ERBB4: variants seen among roughly 807,000 people sequenced by gnomAD.
ERBB4 encodes the protein receptor tyrosine-protein kinase erbB-4.
ERBB4 carries 42 observed loss-of-function variants against 158.0 expected under a neutral mutation model. That is an observed-to-expected ratio of 0.27 (90% CI 0.21 to 0.34). ERBB4 has a LOEUF of 0.34. Among genes scored for constraint, ERBB4 ranks in the 10% least tolerant of loss-of-function variants. ERBB4 has a pLI of 1.00. For missense variants in ERBB4, 1,333 were observed against 1,624.1 expected (o/e 0.82, Z 3.08); for synonymous variants, 583 against 558.7 (o/e 1.04, Z -0.61).
At chr2:211,748,769 T>C (rs1442108334) in intron 5 of ERBB4, among the ~76,000 whole-genome samples, 1 of 152,232 alleles carries the variant, frequency 6.6e-6, no homozygotes, top group Non-Finnish European at 1.5e-5. Context: ...TCGGTAGTTT[T>C]TTTCTGCCAT....
intron 3 of ERBB4, among the ~76,000 whole-genome samples, chr2:211,928,023 T>C (rs1474567775): frequency 5.3e-5 from 8 of 152,064 alleles, no homozygotes; most frequent in Admixed American, 5.2e-4. Flanking sequence ...GAAATTTAAG[T>C]ACCATATTTT....
intron 2 of ERBB4, among the ~76,000 whole-genome samples, chr2:211,988,683 C>T (rs931697198): frequency 9.9e-5 from 15 of 151,990 alleles, no homozygotes; most frequent in Non-Finnish European, 1.9e-4. Context: ...ATCATCTACC[C>T]AAGCAAAAGA....
At chr2:211,703,555 TTTACTC>T (rs1317273466) in intron 11 of ERBB4, among the ~76,000 whole-genome samples, 3 of 152,340 alleles carry the variant, frequency 2.0e-5, no homozygotes, top group South Asian at 2.1e-4. Flanking sequence ...AGAGAAATCT[TTTACTC>T]TTATAACGTG....
At chr2:212,427,605 C>T (rs13413590) in intron 1 of ERBB4, among the ~76,000 whole-genome samples, 46,242 of 152,036 alleles carry the variant, frequency 0.3, 7,611 homozygotes, top group Non-Finnish European at 0.38. Flanking sequence ...AATAGCATCA[C>T]TGGTCATATA....
At chr2:212,223,265 C>T (rs539530940) in intron 1 of ERBB4, among the ~76,000 whole-genome samples, 1 of 150,344 alleles carries the variant, frequency 6.7e-6, no homozygotes, top group East Asian at 1.9e-4. Flanking sequence ...TTCTTAAATA[C>T]AATACTGTTT....
At chr2:211,522,364 A>C (rs2066210390) in intron 20 of ERBB4, among the ~76,000 whole-genome samples, 1 of 152,164 alleles carries the variant, frequency 6.6e-6, no homozygotes, top group South Asian at 2.1e-4. Flanking sequence ...ATTAGAGTGG[A>C]GCTTAAAGAT....
chr2:212,238,359 T>C (rs1428241286), intron 1 of ERBB4, among the ~76,000 whole-genome samples: 1 of 152,142 alleles, frequency 6.6e-6, no homozygotes, highest in East Asian at 1.9e-4. Flanking sequence ...ACTGCTGTGG[T>C]GAGGCAACAC....
At chr2:212,304,575 T>A (rs1433465578) in intron 1 of ERBB4, among the ~76,000 whole-genome samples, 1 of 151,450 alleles carries the variant, frequency 6.6e-6, no homozygotes, top group Non-Finnish European at 1.5e-5. Flanking sequence ...GCCCAAAATG[T>A]GCCAAGTTAT....
chr2:211,888,633 G>C (rs1343464004), intron 3 of ERBB4, among the ~76,000 whole-genome samples: 3 of 152,192 alleles, frequency 2.0e-5, no homozygotes, highest in African/African-American at 7.2e-5. Flanking sequence ...TTCCATCTGA[G>C]GTACCGGGTT....
At chr2:211,833,564 T>C (rs545223558) in intron 3 of ERBB4, among the ~76,000 whole-genome samples, 21 of 152,162 alleles carry the variant, frequency 1.4e-4, no homozygotes, top group Non-Finnish European at 2.6e-4. Context: ...GATATGATCA[T>C]CTTCCCTGAG....
intron 1 of ERBB4, among the ~76,000 whole-genome samples, chr2:212,256,899 C>A (rs1015048779): frequency 1.3e-5 from 2 of 152,082 alleles, no homozygotes; most frequent in African/African-American, 4.8e-5. Flanking sequence ...TTAGAACCAG[C>A]GTTTGTGTTA....
intron 4 of ERBB4, chr2:211,778,577 T>C (rs1401200482): frequency 6.6e-6 from 1 of 152,056 alleles, no homozygotes; most frequent in Non-Finnish European, 1.5e-5. Context: ...GTCTGACTTC[T>C]CCCCCCATCT....
intron 25 of ERBB4, among the ~76,000 whole-genome samples, chr2:211,396,380 TA>T (rs373379597): frequency 2.1e-4 from 32 of 151,182 alleles, no homozygotes; most frequent in Admixed American, 8.6e-4. Context: ...TGATGTTCAC[TA>T]AAAAAAAACC....
Position 211,679,038 on chromosome 2 carries a change from A to G in ERBB4, c.1622+14T>C. The G allele has an allele frequency of 6.2e-7, 1 of 1,605,530 alleles. No homozygotes were observed. Among genetic ancestry groups the G allele is most frequent in the Non-Finnish European group, 8.5e-7 (1 of 1,175,384 alleles). ...AAGCTCATGAGGTGAAGGCAACCCTAGAAGAAGCCTTACCCATCATAGAGG... is the reference window on the plus strand; with the variant it reads ...AAGCTCATGAGGTGAAGGCAACCCTGGAAGAAGCCTTACCCATCATAGAGG... On this transcript the variant is annotated intron_variant, in intron 13 of 27. Transcript: ENST00000342788.
At chr2:211,544,242 T>A (rs928067037) in intron 20 of ERBB4, among the ~76,000 whole-genome samples, 24 of 152,102 alleles carry the variant, frequency 1.6e-4, no homozygotes, top group Non-Finnish European at 3.5e-4. Context: ...ACATAGTCTG[T>A]GCTCTCCCAT....
At chr2:211,751,860 C>T (rs2075140333) in intron 4 of ERBB4, among the ~76,000 whole-genome samples, 1 of 152,142 alleles carries the variant, frequency 6.6e-6, no homozygotes, top group African/African-American at 2.4e-5. Flanking sequence ...GGATCTCAGA[C>T]CATTCAGATT....
chr2:211,607,628 T>C (rs1321329429), intron 19 of ERBB4, among the ~76,000 whole-genome samples: 1 of 152,110 alleles, frequency 6.6e-6, no homozygotes, highest in Non-Finnish European at 1.5e-5. Context: ...ATTTTTTTTC[T>C]AATCACACTA....
intron 1 of ERBB4, among the ~76,000 whole-genome samples, chr2:212,301,322 C>T (rs1028955549): frequency 6.6e-6 from 1 of 151,174 alleles, no homozygotes; most frequent in Non-Finnish European, 1.5e-5. Context: ...TTAAGCATCA[C>T]ATGTATTCAT....
At chr2:212,001,353 C>A in intron 2 of ERBB4, among the ~76,000 whole-genome samples, 1 of 152,074 alleles carries the variant, frequency 6.6e-6, no homozygotes, top group East Asian at 1.9e-4. Context: ...ATTACTATAT[C>A]TTTCCTAAGT....
Sources: allele counts gnomAD v4.1 joint callset (sites outside exome capture counted in the v4.1 genomes callset), GRCh38; gene constraint gnomAD v4.1.1; transcripts MANE v1.5; gene names NCBI Gene and HGNC (gene_info 2026-07-23, HGNC 2026-07-21).